DSC1: variants seen among roughly 807,000 people sequenced by gnomAD.
DSC1 encodes desmocollin-1.
DSC1 carries 79 observed loss-of-function variants against 98.8 expected under a neutral mutation model. The ratio of observed to expected loss-of-function variants is 0.80; its 90% CI spans 0.67 to 0.96. The LOEUF is 0.96. Ranked by LOEUF, DSC1 falls within the 50% of genes least tolerant of loss-of-function variation. The pLI, the probability that DSC1 is intolerant of heterozygous loss-of-function variation, is 0.00. For missense variants in DSC1, 1,115 were observed against 1,075.9 expected, an observed-to-expected ratio of 1.04 and a Z score of -0.51; for synonymous variants, 405 against 372.1, an observed-to-expected ratio of 1.09 and a Z score of -1.02.
intron 6 of DSC1, 22 bp from the exon 7 acceptor site, chr18:31,145,799 T>G (rs1257871932): frequency 1.9e-6 from 3 of 1,594,054 alleles, no homozygotes; most frequent in African/African-American, 2.7e-5. Flanking sequence ...AATCCAAAAG[T>G]GTCAAAAATT....
chr18:31,143,522 C>T (rs1988780163), intron 8 of DSC1, 135 bp downstream of exon 8: 4 of 571,970 alleles, frequency 7.0e-6, no homozygotes, highest in Non-Finnish European at 1.1e-5. Context: ...ATATTTTTCT[C>T]CCTATGTTAT....
chr18:31,155,922 G>A lies in DSC1; in HGVS notation c.471+121C>T, dbSNP rs557136064. 7.0e-5 allele frequency: 73 copies of A among 1,047,372 alleles called. No homozygotes were observed. In the African/African-American group the frequency reaches 1.0e-3, roughly 15 times the overall value. 64.9% of individuals were successfully genotyped at this position (1,047,372 alleles called of 1,614,324 possible). ...TATGGGACCCTAGTTCTGGTGAATA[G>A]ATGATCATTATTTGTACCATTAGTT... On this transcript the variant is annotated intron_variant, in intron 4 of 15. Coordinates refer to ENST00000257198, the MANE Select transcript of DSC1 (RefSeq NM_024421.2).
At chr18:31,137,612 A>G (rs545715933) in intron 11 of DSC1, among the ~76,000 whole-genome samples, 22 of 152,330 alleles carry the variant, frequency 1.4e-4, no homozygotes, top group African/African-American at 5.0e-4. Context: ...TGTTAGGAGA[A>G]CAGAATATAC....
intron 5 of DSC1, among the ~76,000 whole-genome samples, chr18:31,154,165 T>C (rs973507793): frequency 1.3e-5 from 2 of 152,054 alleles, no homozygotes; most frequent in African/African-American, 4.8e-5. Flanking sequence ...GTCTTGTCTT[T>C]GGGTAGGATA....
At position 31,142,105 on chromosome 18, in the gene DSC1, G is replaced by T; in HGVS notation, c.1154C>A (p.Thr385Asn). 6.2e-7 allele frequency: 1 copy of T among 1,613,296 alleles called. No homozygotes were observed. Among genetic ancestry groups the T allele is most frequent in the Non-Finnish European group, 8.5e-7 (1 of 1,179,712 alleles). Residue 385 changes from threonine (T) to asparagine (N), a missense_variant, in exon 9 of 16, where the codon ACT becomes AAT. By Grantham distance (65) the Thr-to-Asn change is moderately conservative. Coordinates refer to ENST00000257198, the MANE Select transcript of DSC1 (RefSeq NM_024421.2). ...MKVQDQDLPN[T>N]PHSKAVYKIL... ...TTTGTATACAGCCTTTGAGTGAGGA[G>T]TGTTTGGCAAATCCTGATCCTGTAC... is the stretch of plus-strand genomic sequence containing the variant.
At position 31,154,759 on chromosome 18, in the gene DSC1, T is replaced by C; in HGVS notation, c.627+15A>G. 11 of 1,579,246 alleles carry C rather than the reference T, an allele frequency of 7.0e-6. No homozygotes were observed. Among genetic ancestry groups the C allele is most frequent in the Non-Finnish European group, 9.5e-6 (11 of 1,162,530 alleles). On this transcript the variant is annotated intron_variant, in intron 5 of 15. Coordinates refer to ENST00000257198, the MANE Select transcript of DSC1 (RefSeq NM_024421.2). ...ATAAAGATATAATTATGAATAAATA[T>C]TTCAATAATCCTACCGCAAACTGTT...
intron 3 of DSC1, among the ~76,000 whole-genome samples, chr18:31,156,863 C>T (rs998579338): frequency 2.6e-5 from 4 of 152,162 alleles, no homozygotes; most frequent in African/African-American, 7.2e-5. Context: ...ACATTCAAAT[C>T]AATTCTGTGG....
intron 6 of DSC1, 58 bp downstream of exon 6, chr18:31,148,437 TATA>T (rs1209238754): frequency 1.4e-6 from 2 of 1,478,160 alleles, no homozygotes; most frequent in Non-Finnish European, 9.1e-7. Context: ...CATCTTTAAT[TATA>T]ATACTTACGA....
At chr18:31,148,422 G>T (rs751228158) in intron 6 of DSC1, 76 bp downstream of exon 6, 3 of 1,422,806 alleles carry the variant, frequency 2.1e-6, no homozygotes, top group Non-Finnish European at 2.8e-6. Context: ...ATGATAAAAC[G>T]TAAACATCTT....
chr18:31,141,854 A>G (rs1988743467), intron 9 of DSC1, 145 bp downstream of exon 9: 5 of 779,364 alleles, frequency 6.4e-6, no homozygotes, highest in South Asian at 5.6e-5. Flanking sequence ...AGAGAATAAG[A>G]AACAACAAAG....
At chr18:31,152,203 G>T (rs1440981639) in intron 5 of DSC1, among the ~76,000 whole-genome samples, 1 of 151,798 alleles carries the variant, frequency 6.6e-6, no homozygotes, top group African/African-American at 2.4e-5. Context: ...AAGATAGTAA[G>T]GTTCTGGTTG....
intron 5 of DSC1, among the ~76,000 whole-genome samples, chr18:31,150,137 ACCATTATCATCG>A (rs1598625054): frequency 1.4e-5 from 2 of 145,480 alleles, no homozygotes; most frequent in East Asian, 4.1e-4. Context: ...CACCATTATC[ACCATTATCATCG>A]CAATCACCAC....
chr18:31,131,049 G>A (rs1344418304), intron 15 of DSC1, among the ~76,000 whole-genome samples: 1 of 152,088 alleles, frequency 6.6e-6, no homozygotes, highest in Non-Finnish European at 1.5e-5. Context: ...ACCAATATAG[G>A]CTATGATTCC....
intron 15 of DSC1, chr18:31,131,352 C>T: frequency 1.9e-6 from 1 of 518,372 alleles, no homozygotes; most frequent in Non-Finnish European, 3.4e-6. Context: ...ACCTTTTATC[C>T]TTTGTAAACA....
intron 5 of DSC1, among the ~76,000 whole-genome samples, chr18:31,150,363 TCAC>T (rs1988963819): frequency 2.7e-5 from 1 of 37,318 alleles, no homozygotes; most frequent in African/African-American, 1.1e-4. Flanking sequence ...ACCACCATCA[TCAC>T]CACCACCATC....
rs1482779104 is a variant in DSC1 at position 31,145,527 on chromosome 18, C to T, written c.939+84G>A. 4.0e-6 allele frequency: 6 copies of T among 1,481,940 alleles called. No individual in the cohort carries two copies. The African/African-American group carries it at 6.9e-5, about 17-fold the overall frequency. The allele number at this position is 1,481,940 out of a possible 1,614,324, so 91.8% of individuals were successfully genotyped here. A position where few individuals can be genotyped will look rare whatever the true frequency, so the allele number is the denominator to read the frequency against. On this transcript the variant is annotated intron_variant, in intron 7 of 15. Coordinates refer to ENST00000257198, the MANE Select transcript of DSC1 (RefSeq NM_024421.2). ...AAGCATGCTGAGAAAGGAGGCCAGA[C>T]TGGCCATATTGCAACTTCTCTCGGG... is the stretch of plus-strand genomic sequence containing the variant.
intron 5 of DSC1, chr18:31,150,895 C>A (rs948225279): frequency 6.6e-6 from 1 of 152,146 alleles, no homozygotes; most frequent in Non-Finnish European, 1.5e-5. Context: ...TTGGGTAAGT[C>A]TTCAATAAAT....
chr18:31,152,968 A>G lies in DSC1; in HGVS notation c.627+1806T>C, dbSNP rs1285352340. On this transcript the variant is annotated intron_variant, in intron 5 of 15. Coordinates refer to ENST00000257198, the MANE Select transcript of DSC1 (RefSeq NM_024421.2). ...AGTGGTGTTTCTTAATGCCAATTCAAACTTAACTGTGTTAATGGGACCTAC... is the reference window on the plus strand; with the variant it reads ...AGTGGTGTTTCTTAATGCCAATTCAGACTTAACTGTGTTAATGGGACCTAC... Among the ~76,000 whole-genome samples the G allele has an allele frequency of 1.1e-4, 10 of 94,180 alleles. 1 individual carries two copies. The highest frequency in any genetic ancestry group is 2.2e-4 in the Non-Finnish European group (10 of 45,832). 61.8% of individuals were successfully genotyped at this position (94,180 alleles called of 152,430 possible).
chr18:31,145,665 G>A lies in DSC1; in HGVS notation c.885C>T (p.Ser295=). 1 of 1,614,172 alleles carries A rather than the reference G, an allele frequency of 6.2e-7. No homozygotes were observed. The highest frequency in any genetic ancestry group is 8.5e-7 in the Non-Finnish European group (1 of 1,180,032). ...TGATGACACCGGTATCTGGGTGTAT[G>A]GAGAAATGCTTTGGATGATCTGGGA... ...QQIPDHPKHF[S]IHPDTGVITT... Residue 295 remains serine, a synonymous_variant, in exon 7 of 16, where the codon TCC becomes TCT. Transcript: ENST00000257198.
Sources: allele counts gnomAD v4.1 joint callset (sites outside exome capture counted in the v4.1 genomes callset), GRCh38; gene constraint gnomAD v4.1.1; transcripts MANE v1.5; gene names NCBI Gene and HGNC (gene_info 2026-07-23, HGNC 2026-07-21).